DAAM1: variants seen among roughly 807,000 people sequenced by gnomAD.
DAAM1 encodes the protein disheveled-associated activator of morphogenesis 1.
DAAM1 carries 52 observed loss-of-function variants against 130.0 expected under a neutral mutation model. The ratio of observed to expected loss-of-function variants is 0.40; its 90% confidence interval spans 0.32 to 0.50. The LOEUF (loss-of-function observed/expected upper bound fraction) is 0.50. DAAM1 is among the 20% of genes least tolerant of loss of function. DAAM1 has a pLI of 0.61. For missense variants in DAAM1, 1,134 were observed against 1,303.8 expected (o/e 0.87, Z 2.01); for synonymous variants, 452 against 444.5 (o/e 1.02, Z -0.21).
In DAAM1 at chr14:59,324,198, T is replaced by C; in HGVS notation, c.845T>C (p.Met282Thr). The C allele has an allele frequency of 1.4e-6, 2 of 1,464,220 alleles. No individual in the cohort carries two copies. Among genetic ancestry groups the C allele is most frequent in the Non-Finnish European group, 1.8e-6 (2 of 1,099,818 alleles). The allele number at this position is 1,464,220 out of a possible 1,614,324, so 90.7% of individuals were successfully genotyped here. A position where few individuals can be genotyped will look rare whatever the true frequency, so the allele number is the denominator to read the frequency against. The change falls in exon 7 of 25, where the codon ATG becomes ACG. Residue 282 changes from methionine to threonine, a missense_variant. Physicochemically the swap from Met to Thr is moderately conservative, Grantham distance 81. Coordinates refer to ENST00000360909, the MANE Select transcript of DAAM1 (RefSeq NM_001270520.2). ...GAAGTGAGTCTCAAGACTGCCATCA[T>C]GTCCTTCATTAATGCAGTGCTCAGC... Reference protein sequence around the residue: ...RDEVSLKTAIMSFINAVLSQG... With the variant: ...RDEVSLKTAITSFINAVLSQG...
At chr14:59,323,432 G>T (rs1361137797) in intron 6 of DAAM1, among the ~76,000 whole-genome samples, 1 of 152,170 alleles carries the variant, frequency 6.6e-6, no homozygotes, top group African/African-American at 2.4e-5. Context: ...TGGGCCTTTA[G>T]ATTTGCAGAA....
chr14:59,359,154 T>G (rs1253035), intron 20 of DAAM1: 27,448 of 300,306 alleles, frequency 0.091, 1,468 homozygotes, highest in Middle Eastern at 0.15. Flanking sequence ...TTTTAGAAAT[T>G]GTGTGCTTTT....
intron 15 of DAAM1, 63 bp from the exon 16 acceptor site, chr14:59,340,011 T>C (rs1885783923): frequency 7.1e-7 from 1 of 1,416,412 alleles, no homozygotes; most frequent in South Asian, 1.2e-5. Flanking sequence ...TAAAGGAAAG[T>C]GTGTATCTGA....
intron 15 of DAAM1, among the ~76,000 whole-genome samples, chr14:59,333,832 G>A (rs886368903): frequency 6.6e-6 from 1 of 152,256 alleles, no homozygotes; most frequent in Non-Finnish European, 1.5e-5. Context: ...AGAAGGTGCA[G>A]AAGGATACTG....
intron 17 of DAAM1, among the ~76,000 whole-genome samples, chr14:59,349,245 A>G (rs568106138): frequency 5.8e-4 from 88 of 152,220 alleles, no homozygotes; most frequent in Non-Finnish European, 1.1e-3. Flanking sequence ...TTCAGCTCCT[A>G]TTGACAAGGT....
chr14:59,191,195 T>G lies in DAAM1; in HGVS notation c.-38+2427T>G, dbSNP rs113767566. On this transcript the variant is annotated intron_variant, in intron 1 of 24. Coordinates refer to ENST00000360909, the MANE Select transcript of DAAM1 (RefSeq NM_001270520.2). Reference sequence around the variant, plus strand: ...GTCAGGTAAATGCTTGGGATTGCTGTGTGCTTGGTGGTTGACACTTACGAT... The same window carrying G: ...GTCAGGTAAATGCTTGGGATTGCTGGGTGCTTGGTGGTTGACACTTACGAT... Among the ~76,000 whole-genome samples the G allele has an allele frequency of 7.2e-5, 11 of 152,326 alleles. 1 individual carries two copies. The highest frequency in any genetic ancestry group is 2.2e-4 in the African/African-American group (9 of 41,568).
chr14:59,287,989 G>A (rs189921721), intron 2 of DAAM1, among the ~76,000 whole-genome samples: 8 of 152,142 alleles, frequency 5.3e-5, no homozygotes, highest in African/African-American at 1.9e-4. Context: ...AAAGAACAAA[G>A]CCGGGGGCAT....
At position 59,263,767 on chromosome 14, in the gene DAAM1, G is replaced by C. The variant is rs748170487; in HGVS notation, c.183+107G>C. The C allele has an allele frequency of 2.2e-6, 3 of 1,386,056 alleles. No individual in the cohort carries two copies. The African/African-American group carries it at 4.3e-5, about 20-fold the overall frequency. The allele number at this position is 1,386,056 out of a possible 1,614,324, so 85.9% of individuals were successfully genotyped here. On this transcript the variant is annotated intron_variant, in intron 2 of 24. Transcript: ENST00000360909. ...TTGACATGGACTTTTCCTTTTCAGT[G>C]AAATGGCCCCCATTCACCTTTATGT...
Position 59,330,529 on chromosome 14 carries a change from A to C in DAAM1, c.1401A>C (p.Glu467Asp), listed in dbSNP as rs746151084. The C allele has an allele frequency of 4.3e-6, 7 of 1,612,158 alleles. No individual in the cohort carries two copies. Among genetic ancestry groups the C allele is most frequent in the Non-Finnish European group, 5.9e-6 (7 of 1,179,390 alleles). The change falls in exon 13 of 25, where the codon GAA becomes GAC. Residue 467 changes from glutamate to aspartate, a missense_variant. By Grantham distance (45) the Glu-to-Asp change is conservative (BLOSUM62 2). Coordinates refer to ENST00000360909, the MANE Select transcript of DAAM1 (RefSeq NM_001270520.2). ...KEHNELQQKL[E>D]KKERECDAKT... is the part of the protein sequence containing the mutation. ...ACAATGAGCTACAACAGAAACTGGA[A>C]AAGAAAGAACGAGAATGTGATGCTA...
rs147930311 is a variant in DAAM1 at position 59,355,203 on chromosome 14, G to A, written c.2395G>A (p.Ala799Thr). ...CTCAGAAGAGGTGTTTAGGAGTGGT[G>A]CCCTCAAGCAGTTGCTGGAGGTGGT... ...SGSEEVFRSG[A>T]LKQLLEVVLA... Residue 799 changes from alanine (A) to threonine (T), a missense_variant, in exon 20 of 25, where the codon GCC becomes ACC. Transcript: ENST00000360909. The A allele has an allele frequency of 1.9e-6, 3 of 1,614,014 alleles. No individual in the cohort carries two copies. In the African/African-American group the frequency reaches 4.0e-5, roughly 22 times the overall value.
intron 22 of DAAM1, among the ~76,000 whole-genome samples, chr14:59,361,364 C>T (rs989652570): frequency 6.6e-6 from 1 of 152,120 alleles, no homozygotes; most frequent in African/African-American, 2.4e-5. Flanking sequence ...TTGCAATAAT[C>T]GGAGCAGCCA....
At chr14:59,339,855 A>G (rs943646525) in intron 15 of DAAM1, among the ~76,000 whole-genome samples, 1 of 152,094 alleles carries the variant, frequency 6.6e-6, no homozygotes, top group Admixed American at 6.5e-5. Context: ...TGCTTTTTCA[A>G]ATGTGGGTGG....
intron 1 of DAAM1, among the ~76,000 whole-genome samples, chr14:59,217,586 C>T (rs567333516): frequency 4.6e-5 from 7 of 152,226 alleles, no homozygotes; most frequent in South Asian, 4.1e-4. Context: ...CCTGTAATCT[C>T]AGCACTTTGG....
chr14:59,261,771 G>T (rs1401854859), intron 1 of DAAM1, among the ~76,000 whole-genome samples: 1 of 152,156 alleles, frequency 6.6e-6, no homozygotes, highest in Non-Finnish European at 1.5e-5. Flanking sequence ...ACAGATTTTG[G>T]AGTTGGATTA....
intron 4 of DAAM1, among the ~76,000 whole-genome samples, chr14:59,317,183 C>T (rs539087169): frequency 1.3e-5 from 2 of 152,334 alleles, no homozygotes; most frequent in East Asian, 3.9e-4. Context: ...CTTTGCTATA[C>T]TTTTTGTGTC....
At chr14:59,225,060 C>T (rs921221176) in intron 1 of DAAM1, among the ~76,000 whole-genome samples, 2 of 119,656 alleles carry the variant, frequency 1.7e-5, no homozygotes, top group Non-Finnish European at 1.6e-5. Flanking sequence ...ACGGAGTCTC[C>T]TTCTGTTACC....
chr14:59,330,278 GTCTCT>G (rs1885374167), intron 12 of DAAM1, among the ~76,000 whole-genome samples: 1 of 41,786 alleles, frequency 2.4e-5, no homozygotes, highest in East Asian at 0.02. Context: ...CTCTTCTTCA[GTCTCT>G]TACGTAGTTA....
chr14:59,206,440 T>G (rs906814706), intron 1 of DAAM1, among the ~76,000 whole-genome samples: 1 of 152,082 alleles, frequency 6.6e-6, no homozygotes, highest in African/African-American at 2.4e-5. Context: ...CATGCCCGGC[T>G]AATTTTTTGT....
intron 2 of DAAM1, among the ~76,000 whole-genome samples, chr14:59,287,272 A>G (rs969614356): frequency 5.9e-5 from 9 of 152,194 alleles, no homozygotes; most frequent in Admixed American, 2.6e-4. Flanking sequence ...TAGGCATCAA[A>G]GGAACATACC....
Sources: gnomAD v4.1 joint callset for allele counts (sites outside exome capture counted in the v4.1 genomes callset) on GRCh38, gnomAD v4.1.1 for gene constraint, MANE v1.5 for transcripts, NCBI Gene and HGNC (gene_info 2026-07-23, HGNC 2026-07-21) for gene names.